KDM7A: variants seen among roughly 807,000 people sequenced by gnomAD.
KDM7A encodes lysine-specific demethylase 7A.
KDM7A carries 28 observed loss-of-function variants against 114.8 expected under a neutral mutation model. The ratio of observed to expected loss-of-function variants is 0.24; its 90% CI spans 0.18 to 0.33. The LOEUF (loss-of-function observed/expected upper bound fraction) is 0.33. Ranked by LOEUF, KDM7A falls within the 10% of genes least tolerant of loss-of-function variation. The probability of loss-of-function intolerance (pLI) is 1.00; values close to 1 mark genes in which losing one functional copy is unlikely to be tolerated. For synonymous variants in KDM7A, 423 were observed against 397.8 expected (o/e 1.06, Z -0.75); for missense variants, 942 against 1,142.5 (o/e 0.82, Z 2.53).
intron 2 of KDM7A, among the ~76,000 whole-genome samples, chr7:140,137,140 G>A (rs1818884302): frequency 6.6e-6 from 1 of 152,244 alleles, no homozygotes; most frequent in African/African-American, 2.4e-5. Flanking sequence ...GATCTTGGGT[G>A]TTTTCCCTGT....
intron 14 of KDM7A, among the ~76,000 whole-genome samples, 200 bp downstream of exon 14, chr7:140,098,679 G>A (rs76037542): frequency 0.064 from 9,676 of 152,070 alleles, 411 homozygotes; most frequent in Middle Eastern, 0.11. Flanking sequence ...TGAGAACACC[G>A]CCCCTGGCCA....
At chr7:140,153,382 A>AG (rs1202414011) in intron 1 of KDM7A, among the ~76,000 whole-genome samples, 2 of 151,710 alleles carry the variant, frequency 1.3e-5, no homozygotes, top group Admixed American at 1.3e-4. Context: ...GCTACTCAGG[A>AG]GGCTGAGGCA....
chr7:140,174,699 CAA>C (rs376626331), intron 1 of KDM7A, among the ~76,000 whole-genome samples: 1 of 152,094 alleles, frequency 6.6e-6, no homozygotes, highest in African/African-American at 2.4e-5. Context: ...TTCCCGGGTT[CAA>C]AAGATTCTCC....
intron 18 of KDM7A, among the ~76,000 whole-genome samples, chr7:140,093,422 C>A (rs140535228): frequency 1.3e-5 from 2 of 152,170 alleles, no homozygotes; most frequent in African/African-American, 2.4e-5. Flanking sequence ...TCTGCCTTTG[C>A]TGATTTACTT....
intron 1 of KDM7A, among the ~76,000 whole-genome samples, chr7:140,156,519 G>A (rs1794459449): frequency 6.6e-6 from 1 of 152,210 alleles, no homozygotes. Context: ...ATCCATGGAA[G>A]CACTGGTAAG....
At position 140,090,987 on chromosome 7, in the gene KDM7A, C is replaced by T. The variant is rs1818008279; in HGVS notation, c.*107G>A. The T allele has an allele frequency of 1.3e-6, 1 of 768,284 alleles. No homozygotes were observed. Among genetic ancestry groups the T allele is most frequent in the Non-Finnish European group, 2.3e-6 (1 of 434,378 alleles). 47.6% of individuals were successfully genotyped at this position (768,284 alleles called of 1,614,324 possible). ...TTCATTCTGTTCTTCGGGCAGTGTTCTTACTATACACACAAACTGCTCCAG... is the reference window on the plus strand; with the variant it reads ...TTCATTCTGTTCTTCGGGCAGTGTTTTTACTATACACACAAACTGCTCCAG... On this transcript the variant is annotated 3_prime_UTR_variant, in exon 20 of 20. Transcript: ENST00000397560.
chr7:140,149,963 C>A (rs769417195), intron 1 of KDM7A, among the ~76,000 whole-genome samples: 19 of 152,224 alleles, frequency 1.2e-4, no homozygotes, highest in Admixed American at 2.0e-4. Context: ...ATTTATATGC[C>A]TCTCTTAAAT....
At position 140,140,636 on chromosome 7, in the gene KDM7A, C is replaced by T. The variant is rs1418892146; in HGVS notation, c.195-1446G>A. 4.0e-5 allele frequency among the ~76,000 whole-genome samples: 6 copies of T among 151,354 alleles called. No individual in the cohort carries two copies. In the East Asian group the frequency reaches 5.8e-4, roughly 15 times the overall value. ...TAAAAATACAAAAATTAGCTGGGCACGATGGCCGGTGCCTGTAATCCCAGC... is the reference window on the plus strand; with the variant it reads ...TAAAAATACAAAAATTAGCTGGGCATGATGGCCGGTGCCTGTAATCCCAGC... On this transcript the variant is annotated intron_variant, in intron 1 of 19. Transcript: ENST00000397560.
chr7:140,169,133 T>C (rs1794610437), intron 1 of KDM7A, among the ~76,000 whole-genome samples: 1 of 152,190 alleles, frequency 6.6e-6, no homozygotes, highest in African/African-American at 2.4e-5. Context: ...CTCACACATA[T>C]AGACACGAAA....
intron 5 of KDM7A, among the ~76,000 whole-genome samples, chr7:140,127,054 G>A (rs114122495): frequency 1.4e-3 from 206 of 152,300 alleles, no homozygotes; most frequent in African/African-American, 4.8e-3. Context: ...CCATCCTGCC[G>A]GGTTCGAGAG....
In KDM7A at chr7:140,176,535, CGAGCCCACCGGCTCCCCTCTG is replaced by C; in HGVS notation, c.194+188_194+208del. On this transcript the variant is annotated intron_variant, in intron 1 of 19. Transcript: ENST00000397560. This position sits in a 1 kb window ranked among gnomAD's most constrained non-coding sequence, Gnocchi z 4.4. ...GTGGCGACTCTTCGCCCGGGCCAGG[CGAGCCCACCGGCTCCCCTCTG>C]GAGCCCGCCCGGCGAACCCGGGGCA... 6.8e-6 allele frequency among the ~76,000 whole-genome samples: 1 copy of C among 146,932 alleles called. No individual in the cohort carries two copies. The highest frequency in any genetic ancestry group is 2.0e-4 in the East Asian group (1 of 5,050).
Position 140,166,337 on chromosome 7 carries a change from T to G in KDM7A, c.194+10407A>C, listed in dbSNP as rs1026742410. Among the ~76,000 whole-genome samples the G allele has an allele frequency of 4.5e-5, 5 of 111,432 alleles. No individual in the cohort carries two copies. The South Asian group carries it at 1.2e-3, about 26-fold the overall frequency. 73.1% of individuals were successfully genotyped at this position (111,432 alleles called of 152,430 possible). A position where few individuals can be genotyped will look rare whatever the true frequency, so the allele number is the denominator to read the frequency against. On this transcript the variant is annotated intron_variant, in intron 1 of 19. Coordinates refer to ENST00000397560, the MANE Select transcript of KDM7A (RefSeq NM_030647.2). ...AAATTGAGGAATACTTTTTTTTCCT[T>G]TTTTTTTTTTTTTTTTTTTTGAGGC...
chr7:140,092,069 A>T lies in KDM7A; in HGVS notation c.2466T>A (p.Ser822Arg). The change falls in exon 19 of 20, where the codon AGT becomes AGA. Residue 822 changes from serine (S) to arginine (R), a missense_variant. Coordinates refer to ENST00000397560, the MANE Select transcript of KDM7A (RefSeq NM_030647.2). Reference sequence around the variant, plus strand: ...CCTTTCTGATGCATTTCTGGCTTCTACTTAGATCCTGAAGGAGGAGGAAGG... The same window carrying T: ...CCTTTCTGATGCATTTCTGGCTTCTTCTTAGATCCTGAAGGAGGAGGAAGG... ...DTSRFHPQDLSRSQKCIRKEG... is the reference protein window; with the variant it reads ...DTSRFHPQDLRRSQKCIRKEG... The T allele has an allele frequency of 6.2e-7, 1 of 1,614,042 alleles. No individual in the cohort carries two copies. Among genetic ancestry groups the T allele is most frequent in the Non-Finnish European group, 8.5e-7 (1 of 1,179,940 alleles).
At chr7:140,132,282 T>C (rs1818800611) in intron 3 of KDM7A, among the ~76,000 whole-genome samples, 1 of 152,210 alleles carries the variant, frequency 6.6e-6, no homozygotes, top group African/African-American at 2.4e-5. Flanking sequence ...TTTTGGACAT[T>C]TGTGATCATC....
chr7:140,144,500 G>C (rs555868060), intron 1 of KDM7A, among the ~76,000 whole-genome samples: 2 of 152,232 alleles, frequency 1.3e-5, no homozygotes, highest in African/African-American at 4.8e-5. Context: ...AGATAAACTG[G>C]TCTTCATACT....
chr7:140,146,292 C>T (rs1794339483), intron 1 of KDM7A, among the ~76,000 whole-genome samples: 4 of 152,162 alleles, frequency 2.6e-5, no homozygotes, highest in Admixed American at 2.6e-4. Context: ...TATCTCAGGT[C>T]TTTGAAAGGA....
chr7:140,120,648 TAG>T (rs1452532723), intron 7 of KDM7A, 119 bp from the exon 8 acceptor site: 1 of 613,920 alleles, frequency 1.6e-6, no homozygotes, highest in East Asian at 2.7e-5. Flanking sequence ...ATTTCAGTGC[TAG>T]AGAAGTTAAT....
intron 3 of KDM7A, among the ~76,000 whole-genome samples, chr7:140,131,400 G>A (rs1160318634): frequency 6.6e-6 from 1 of 152,130 alleles, no homozygotes; most frequent in Non-Finnish European, 1.5e-5. Flanking sequence ...AAACACAATA[G>A]TCTCCACTTA....
At chr7:140,111,345 T>G (rs1014498259) in intron 10 of KDM7A, among the ~76,000 whole-genome samples, 161 bp from the exon 11 acceptor site, 3 of 152,334 alleles carry the variant, frequency 2.0e-5, no homozygotes, top group South Asian at 4.1e-4. Context: ...TATAATGCCT[T>G]CTAAGGAGAT....
Sources: gnomAD v4.1 joint callset for allele counts (sites outside exome capture counted in the v4.1 genomes callset) on GRCh38, gnomAD v4.1.1 for gene constraint, Gnocchi (gnomAD v3.1) non-coding constraint, MANE v1.5 for transcripts, NCBI Gene and HGNC (gene_info 2026-07-23, HGNC 2026-07-21) for gene names.